RHCE: variants seen among roughly 807,000 people sequenced by gnomAD.
RHCE encodes blood group Rh(CE) polypeptide.
Under a neutral mutation model 43.8 loss-of-function variants are expected in RHCE, and 22 were observed. The observed-to-expected ratio is 0.50, with a 90% CI of 0.36 to 0.72. The LOEUF is 0.72. Ranked by LOEUF, RHCE falls within the 30% of genes least tolerant of loss-of-function variation. The pLI, the probability that RHCE is intolerant of heterozygous loss-of-function variation, is 0.00. For synonymous variants in RHCE, 156 were observed against 210.7 expected (o/e 0.74, Z 2.25); for missense variants, 385 against 525.4 (o/e 0.73, Z 2.61).
rs1382698048 is a variant in RHCE, at chr1:25,386,189, TG to T, written c.940-346del. 2.0e-5 allele frequency among the ~76,000 whole-genome samples: 3 copies of T among 152,184 alleles called. No homozygotes were observed. The East Asian group carries it at 5.8e-4, about 29-fold the overall frequency. The stretch of plus-strand genomic sequence containing the variant: ...TAATTCCTTGTGATGGGGGCTGCCC[TG>T]TGCACTGTAGGATGTTAAGCATCAT... On this transcript the variant is annotated intron_variant, in intron 6 of 9. Transcript: ENST00000294413.
At position 25,379,483 on chromosome 1, in the gene RHCE, ATATATATATATATTTTTTTTTT is replaced by A. The variant is rs1470694327; in HGVS notation, c.1074-4077_1074-4056del. On this transcript the variant is annotated intron_variant, in intron 7 of 9. Coordinates refer to ENST00000294413, the MANE Select transcript of RHCE (RefSeq NM_020485.8). The stretch of plus-strand genomic sequence containing the variant: ...TATATATATATATATATATATATAT[ATATATATATATATTTTTTTTTT>A]TTTTTTTTTTTTTTTTAAAGATGGG... 9.1e-3 allele frequency among the ~76,000 whole-genome samples: 177 copies of A among 19,372 alleles called. 2 individuals are homozygous for A. Among genetic ancestry groups the A allele is most frequent in the Admixed American group, 0.063 (69 of 1,100 alleles). 12.7% of individuals were successfully genotyped at this position (19,372 alleles called of 152,430 possible).
chr1:25,423,250 A>T (rs1043180651), upstream of RHCE, among the ~76,000 whole-genome samples: 5 of 152,018 alleles, frequency 3.3e-5, no homozygotes, highest in African/African-American at 1.2e-4. Context: ...CTGAGAAGGA[A>T]CTCCCCTGCA....
intron 2 of RHCE, among the ~76,000 whole-genome samples, chr1:25,425,973 C>T (rs948321150): frequency 2.0e-5 from 3 of 152,340 alleles, no homozygotes; most frequent in Non-Finnish European, 4.4e-5. Flanking sequence ...GGTTCAAATT[C>T]TGGCTTTGGA....
intron 3 of RHCE, among the ~76,000 whole-genome samples, 190 bp from the exon 4 acceptor site, chr1:25,392,331 G>A (rs530192562): frequency 2.6e-5 from 4 of 152,206 alleles, no homozygotes; most frequent in African/African-American, 9.6e-5. Flanking sequence ...GCACGATCTC[G>A]GCTCACTGGA....
intron 7 of RHCE, among the ~76,000 whole-genome samples, chr1:25,379,911 C>T (rs1455161444): frequency 1.3e-5 from 2 of 152,146 alleles, no homozygotes; most frequent in Non-Finnish European, 2.9e-5. Context: ...CTCCTGGGCT[C>T]AAGCAATCCT....
In RHCE at chr1:25,406,246, CGTGCGTGTGT is replaced by C. The variant is rs1332613771; in HGVS notation, c.335+2427_335+2436del. On this transcript the variant is annotated intron_variant, in intron 2 of 9. Coordinates refer to ENST00000294413, the MANE Select transcript of RHCE (RefSeq NM_020485.8). ...GTGTGTATGCGGGCGTGCGTGCGTG[CGTGCGTGTGT>C]GTGTGTGTGTGTGTGTGTGTATTGA... 4.3e-3 allele frequency among the ~76,000 whole-genome samples: 383 copies of C among 88,486 alleles called. 24 individuals carry two copies. The highest frequency in any genetic ancestry group is 0.022 in the African/African-American group (374 of 17,242). 58.1% of individuals were successfully genotyped at this position (88,486 alleles called of 152,430 possible).
intron 5 of RHCE, among the ~76,000 whole-genome samples, 172 bp downstream of exon 5, chr1:25,390,577 C>A (rs1338903490): frequency 2.0e-5 from 3 of 152,190 alleles, no homozygotes; most frequent in Admixed American, 1.3e-4. Flanking sequence ...AGTCCCAGGC[C>A]CCCTGTGACC....
At chr1:25,423,526 G>C (rs2042783092), upstream of RHCE, among the ~76,000 whole-genome samples, 1 of 152,232 alleles carries the variant, frequency 6.6e-6, no homozygotes. Flanking sequence ...CTGACTGCTT[G>C]ACAAGAGGAT....
upstream of RHCE, among the ~76,000 whole-genome samples, chr1:25,422,619 A>G (rs1243568654): frequency 6.6e-6 from 1 of 152,210 alleles, no homozygotes; most frequent in East Asian, 1.9e-4. Flanking sequence ...GACTTGCTCA[A>G]GGTCACAGGG....
Position 25,390,899 on chromosome 1 carries a change from C to G in RHCE, c.651G>C (p.Trp217Cys), listed in dbSNP as rs1646340524. The change falls in exon 5 of 10, where the codon TGG (tryptophan) becomes TGC (cysteine). Residue 217 changes from tryptophan (W) to cysteine (C), a missense_variant. Transcript: ENST00000294413. ...LSAMLGALFLWMFWPSVNSAL... is the reference protein window; with the variant it reads ...LSAMLGALFLCMFWPSVNSAL... ...CAGAGTTGACACTTGGCCAGAACAT[C>G]CACAAGAAGAGGGCGCCTGGGGGCC... 1 of 1,614,216 alleles carries G rather than the reference C, an allele frequency of 6.2e-7. No homozygotes were observed. Among genetic ancestry groups the G allele is most frequent in the Non-Finnish European group, 8.5e-7 (1 of 1,180,028 alleles).
chr1:25,372,705 C>G (rs545275496), intron 8 of RHCE, among the ~76,000 whole-genome samples: 1 of 151,732 alleles, frequency 6.6e-6, no homozygotes, highest in Non-Finnish European at 1.5e-5. Flanking sequence ...GACAGGCCCA[C>G]AGAGGGCTCA....
chr1:25,370,975 C>T (rs1377984216), intron 8 of RHCE, among the ~76,000 whole-genome samples: 5 of 146,742 alleles, frequency 3.4e-5, no homozygotes, highest in Admixed American at 2.1e-4. Flanking sequence ...AGGCTGGTCT[C>T]GAACTCCTGA....
Position 25,420,691 on chromosome 1 carries a change from G to A in RHCE, c.96C>T (p.Thr32=), listed in dbSNP as rs1268530631. Residue 32 remains threonine, a synonymous_variant, in exon 1 of 10, where the codon ACC becomes ACT. Transcript: ENST00000294413. ...GATCCTCTAAGGAAGCGTCATAGTG[G>A]GTAAAAAAATAGAAGAGGAGAATGA... The part of the protein sequence containing the change: ...AALILLFYFF[T]HYDASLEDQK... 4 of 1,613,542 alleles carry A rather than the reference G, an allele frequency of 2.5e-6. No homozygotes were observed. The highest frequency in any genetic ancestry group is 4.5e-5 in the East Asian group (2 of 44,848).
At chr1:25,367,877 G>C (rs1371648647) in intron 9 of RHCE, among the ~76,000 whole-genome samples, 3 of 149,850 alleles carry the variant, frequency 2.0e-5, no homozygotes, top group Non-Finnish European at 4.4e-5. Context: ...AGGAGGCTGA[G>C]GGGGGAGGAT....
intron 2 of RHCE, among the ~76,000 whole-genome samples, chr1:25,403,624 C>T (rs1380553504): frequency 5.3e-5 from 8 of 151,622 alleles, no homozygotes; most frequent in Non-Finnish European, 1.2e-4. Context: ...TATCACAAGG[C>T]TAGTGGGGTT....
At chr1:25,403,663 G>T (rs921216846) in intron 2 of RHCE, among the ~76,000 whole-genome samples, 4 of 151,754 alleles carry the variant, frequency 2.6e-5, no homozygotes, top group Admixed American at 6.6e-5. Context: ...ATGCTGACTG[G>T]ACTTATCAGG....
upstream of RHCE, among the ~76,000 whole-genome samples, chr1:25,425,096 C>T (rs541016505): frequency 6.6e-6 from 1 of 152,156 alleles, no homozygotes; most frequent in East Asian, 1.9e-4. Context: ...GGATTACAGG[C>T]GTGAGCCACT....
At chr1:25,416,796 T>G (rs1381449856) in intron 1 of RHCE, among the ~76,000 whole-genome samples, 1 of 128,208 alleles carries the variant, frequency 7.8e-6, no homozygotes, top group Non-Finnish European at 1.6e-5. Context: ...TTTACAGTTT[T>G]TTTTTTTTTT....
rs1246936459 is a variant in RHCE at position 25,413,336 on chromosome 1, C to T, written c.149-4467G>A. On this transcript the variant is annotated intron_variant, in intron 1 of 9. Coordinates refer to ENST00000294413, the MANE Select transcript of RHCE (RefSeq NM_020485.8). ...CTTGGGCTCCAGGCCCATTTCCACCCGTCCATTATCTGGGCTCCCGCTTCA... is the reference window on the plus strand; with the variant it reads ...CTTGGGCTCCAGGCCCATTTCCACCTGTCCATTATCTGGGCTCCCGCTTCA... Among the ~76,000 whole-genome samples the T allele has an allele frequency of 5.3e-5, 8 of 152,318 alleles. No individual in the cohort carries two copies. In the South Asian group the frequency reaches 8.3e-4, roughly 16 times the overall value.
Sources: gnomAD v4.1 joint callset for allele counts (sites outside exome capture counted in the v4.1 genomes callset) on GRCh38, gnomAD v4.1.1 for gene constraint, MANE v1.5 for transcripts, NCBI Gene and HGNC (gene_info 2026-07-23, HGNC 2026-07-21) for gene names.